Variants in NOL10 observed in about 807,000 individuals in gnomAD.
NOL10 encodes the protein nucleolar protein 10.
NOL10 carries 58 observed loss-of-function variants against 103.5 expected under a neutral mutation model. The ratio of observed to expected loss-of-function variants is 0.56; its 90% CI spans 0.45 to 0.70. The LOEUF is 0.70. Among genes scored for constraint, NOL10 ranks in the 30% least tolerant of loss-of-function variants. The pLI is 0.00. For missense variants in NOL10, 763 were observed against 807.3 expected, an observed-to-expected ratio of 0.95 and a Z score of 0.67; for synonymous variants, 287 against 282.5, an observed-to-expected ratio of 1.02 and a Z score of -0.16.
chr2:10,616,935 CA>C (rs1267441744), intron 13 of NOL10, among the ~76,000 whole-genome samples: 1 of 152,154 alleles, frequency 6.6e-6, no homozygotes, highest in Non-Finnish European at 1.5e-5. Flanking sequence ...ACTTATTCAA[CA>C]AAGAGTTACC....
chr2:10,603,509 G>T (rs1461643070), intron 14 of NOL10, among the ~76,000 whole-genome samples: 4 of 152,238 alleles, frequency 2.6e-5, no homozygotes, highest in African/African-American at 9.6e-5. Flanking sequence ...TTGCCAAATT[G>T]AAATGAGGAG....
chr2:10,661,478 T>C (rs1680203247), intron 9 of NOL10, among the ~76,000 whole-genome samples: 1 of 151,224 alleles, frequency 6.6e-6, no homozygotes, highest in Non-Finnish European at 1.5e-5. Flanking sequence ...TTCAGGCGAT[T>C]CTCCTGCCTC....
At chr2:10,572,471 T>G (rs78697128) in intron 20 of NOL10, among the ~76,000 whole-genome samples, 2,343 of 152,208 alleles carry the variant, frequency 0.015, 32 homozygotes, top group Middle Eastern at 0.027. Context: ...ACCAGCCTCC[T>G]ACAAAGTAGG....
chr2:10,642,607 C>T (rs1678774304), intron 13 of NOL10, among the ~76,000 whole-genome samples: 1 of 152,074 alleles, frequency 6.6e-6, no homozygotes. Context: ...GGTACTTGCT[C>T]CCGCAGCTCT....
chr2:10,637,188 C>CAAAAAAAAAAAAAA (rs61693251), intron 13 of NOL10, among the ~76,000 whole-genome samples: 2 of 44,532 alleles, frequency 4.5e-5, no homozygotes, highest in Non-Finnish European at 8.0e-5. Flanking sequence ...GACACTGTCT[C>CAAAAAAAAAAAAAA]AAAAAAAAAA....
At chr2:10,572,707 T>A (rs1196763241) in intron 20 of NOL10, among the ~76,000 whole-genome samples, 1 of 152,202 alleles carries the variant, frequency 6.6e-6, no homozygotes, top group Non-Finnish European at 1.5e-5. Context: ...TAGAACTTGC[T>A]CCAAAGAATT....
At chr2:10,588,967 T>C (rs1350511078) in intron 19 of NOL10, 76 bp downstream of exon 19, 3 of 1,567,330 alleles carry the variant, frequency 1.9e-6, no homozygotes, top group African/African-American at 2.7e-5. Context: ...AAATGTCATC[T>C]TTAGGGCAAT....
intron 19 of NOL10, among the ~76,000 whole-genome samples, chr2:10,586,153 G>T (rs537886304): frequency 2.0e-5 from 3 of 152,222 alleles, no homozygotes; most frequent in Non-Finnish European, 4.4e-5. Flanking sequence ...CCCATAAGGC[G>T]TGGGGTTTCT....
intron 13 of NOL10, among the ~76,000 whole-genome samples, chr2:10,638,448 C>A (rs1324942218): frequency 3.7e-5 from 5 of 134,814 alleles, no homozygotes; most frequent in Non-Finnish European, 7.9e-5. Context: ...AAGAAAAAAA[C>A]AAAAACAAAG....
intron 19 of NOL10, among the ~76,000 whole-genome samples, chr2:10,582,590 T>C (rs747849777): frequency 1.8e-4 from 27 of 152,202 alleles, no homozygotes; most frequent in Admixed American, 6.5e-5. Context: ...CCAACAAGCA[T>C]GGCCTTCCCA....
intron 12 of NOL10, among the ~76,000 whole-genome samples, chr2:10,647,862 TC>T (rs1419652784): frequency 6.6e-6 from 1 of 152,226 alleles, no homozygotes; most frequent in Non-Finnish European, 1.5e-5. Flanking sequence ...AGGTGAGAAT[TC>T]CGAGGTTGGG....
At chr2:10,585,975 G>A (rs1408962116) in intron 19 of NOL10, among the ~76,000 whole-genome samples, 1 of 152,186 alleles carries the variant, frequency 6.6e-6, no homozygotes, top group Non-Finnish European at 1.5e-5. Flanking sequence ...CAACACGGAT[G>A]AACATTAAAG....
chr2:10,638,315 GACGTGACGTGACGTGACGTA>G (rs1377590039), intron 13 of NOL10, among the ~76,000 whole-genome samples: 7 of 143,724 alleles, frequency 4.9e-5, no homozygotes, highest in African/African-American at 1.6e-4. Context: ...GACGTGACGT[GACGTGACGTGACGTGACGTA>G]ACGTAACGTA....
Position 10,679,209 on chromosome 2 carries a change from A to C in NOL10, c.211+2762T>G, listed in dbSNP as rs569240316. ...ACCCCATCTCTACTAAAAATACAAA[A>C]TTAGCCGGGCGTGGTGGTGCATGCC... On this transcript the variant is annotated intron_variant, in intron 3 of 20. Coordinates refer to ENST00000381685, the MANE Select transcript of NOL10 (RefSeq NM_024894.4). 3.3e-5 allele frequency among the ~76,000 whole-genome samples: 5 copies of C among 152,100 alleles called. No individual in the cohort carries two copies. In the South Asian group the frequency reaches 1.0e-3, roughly 32 times the overall value.
At chr2:10,584,059 C>T (rs912171737) in intron 19 of NOL10, among the ~76,000 whole-genome samples, 2 of 152,160 alleles carry the variant, frequency 1.3e-5, no homozygotes, top group Admixed American at 6.5e-5. Flanking sequence ...GGAAGGCACC[C>T]CCAACCCTTC....
intron 8 of NOL10, among the ~76,000 whole-genome samples, chr2:10,666,887 G>A (rs1415439062): frequency 1.3e-5 from 2 of 151,996 alleles, no homozygotes; most frequent in Non-Finnish European, 2.9e-5. Flanking sequence ...GTGACTGGAA[G>A]GTATAAAAGG....
chr2:10,638,330 G>GACGTGACGTAACGTAACGTA (rs1553306407), intron 13 of NOL10, among the ~76,000 whole-genome samples: 2 of 92,740 alleles, frequency 2.2e-5, no homozygotes, highest in African/African-American at 9.8e-5. Context: ...GACGTGACGT[G>GACGTGACGTAACGTAACGTA]ACGTAACGTA....
chr2:10,595,426 T>C (rs1455759696), intron 17 of NOL10, among the ~76,000 whole-genome samples: 1 of 152,110 alleles, frequency 6.6e-6, no homozygotes, highest in African/African-American at 2.4e-5. Flanking sequence ...CACCTCAGCC[T>C]CCTGAGTAGC....
intron 8 of NOL10, among the ~76,000 whole-genome samples, chr2:10,666,960 ATTATT>A (rs1238606622): frequency 1.3e-5 from 2 of 152,206 alleles, no homozygotes; most frequent in Non-Finnish European, 2.9e-5. Flanking sequence ...AGTATTTATC[ATTATT>A]TTAAGTGAAA....
Sources: allele counts gnomAD v4.1 joint callset (sites outside exome capture counted in the v4.1 genomes callset), GRCh38; gene constraint gnomAD v4.1.1; transcripts MANE v1.5; gene names NCBI Gene and HGNC (gene_info 2026-07-23, HGNC 2026-07-21).